PCDHGA6: variants seen among roughly 807,000 people sequenced by gnomAD.
PCDHGA6 encodes protocadherin gamma subfamily A, 6.
PCDHGA6 carries 41 observed loss-of-function variants against 60.6 expected under a neutral mutation model. That is an observed-to-expected ratio of 0.68 (90% CI 0.53 to 0.88). The LOEUF is 0.88. Ranked by LOEUF, PCDHGA6 falls within the 40% of genes least tolerant of loss-of-function variation. The pLI is 0.00. For missense variants in PCDHGA6, 1,312 were observed against 1,203.0 expected (o/e 1.09, Z -1.34); for synonymous variants, 594 against 524.4 (o/e 1.13, Z -1.81).
intron 1 of PCDHGA6, among the ~76,000 whole-genome samples, chr5:141,445,885 G>A (rs1171777990): frequency 1.3e-5 from 2 of 152,148 alleles, no homozygotes; most frequent in African/African-American, 4.8e-5. Flanking sequence ...CTTGTACTTA[G>A]GAGCTATTAA....
chr5:141,419,748 G>T, intron 1 of PCDHGA6: 1 of 1,613,872 alleles, frequency 6.2e-7, no homozygotes, highest in Non-Finnish European at 8.5e-7. Flanking sequence ...CGCATGGTGC[G>T]TGCTTTGGGT....
intron 1 of PCDHGA6, among the ~76,000 whole-genome samples, chr5:141,463,049 T>C (rs529642816): frequency 3.9e-4 from 60 of 152,326 alleles, no homozygotes; most frequent in African/African-American, 1.3e-3. Context: ...CAGCAGGGTC[T>C]CTTTATTATG....
chr5:141,413,010 C>A, intron 1 of PCDHGA6: 1 of 640,210 alleles, frequency 1.6e-6, no homozygotes. Flanking sequence ...AGGGCTTCAA[C>A]TACACAAGCC....
In PCDHGA6 at chr5:141,376,169, G is replaced by C. The variant is rs779538880; in HGVS notation, c.2086G>C (p.Ala696Pro). 6.2e-7 allele frequency: 1 copy of C among 1,614,106 alleles called. No individual in the cohort carries two copies. The highest frequency in any genetic ancestry group is 1.1e-5 in the South Asian group (1 of 91,074). ...GGACCTCACTCTGTACCTGGTGGTG[G>C]CGGTGGCCGCGGTCTCCTGCGTCTT... ...DSDLTLYLVV[A>P]VAAVSCVFLA... The change falls in exon 1 of 4, where the codon GCG (alanine) becomes CCG (proline). Residue 696 changes from alanine to proline, a missense_variant. By Grantham distance (27) the Ala-to-Pro change is conservative. Transcript: ENST00000517434.
In PCDHGA6 at chr5:141,385,618, A is replaced by C. The variant is rs1174442072; in HGVS notation, c.2424+9111A>C. 7.5e-6 allele frequency: 8 copies of C among 1,062,366 alleles called. No individual in the cohort carries two copies. The East Asian group carries it at 3.6e-4, about 48-fold the overall frequency. The allele number at this position is 1,062,366 out of a possible 1,614,324, so 65.8% of individuals were successfully genotyped here. A position where few individuals can be genotyped will look rare whatever the true frequency, so the allele number is the denominator to read the frequency against. On this transcript the variant is annotated intron_variant, in intron 1 of 3. Coordinates refer to ENST00000517434, the MANE Select transcript of PCDHGA6 (RefSeq NM_018919.3). ...CTTTCTTAACTCATATATTTTATAC[A>C]TTGGAATGAATCGAGTCTTTCATAT...
chr5:141,440,883 T>C (rs1435173649), intron 1 of PCDHGA6: 4 of 152,178 alleles, frequency 2.6e-5, no homozygotes, highest in Non-Finnish European at 5.9e-5. Flanking sequence ...AGCGTCGGCC[T>C]TCAGGAAGAT....
At chr5:141,387,821 A>C (rs2091106896) in intron 1 of PCDHGA6, 3 of 1,577,920 alleles carry the variant, frequency 1.9e-6, no homozygotes, top group Non-Finnish European at 2.6e-6. Context: ...AAAATCTGCA[A>C]TACAGAGGTT....
chr5:141,505,803 C>A (rs920849273), intron 3 of PCDHGA6, among the ~76,000 whole-genome samples: 2 of 152,234 alleles, frequency 1.3e-5, no homozygotes, highest in African/African-American at 4.8e-5. Flanking sequence ...GGACTTGGAT[C>A]GACTTGCTCA....
At chr5:141,399,911 G>T in intron 1 of PCDHGA6, 1 of 1,612,384 alleles carries the variant, frequency 6.2e-7, no homozygotes. Flanking sequence ...GCAGACTCAG[G>T]ACACAACGCC....
chr5:141,431,228 G>C lies in PCDHGA6; in HGVS notation c.2424+54721G>C, dbSNP rs772199359. The stretch of plus-strand genomic sequence containing the variant: ...TGAGATGCGGTTCCCTCTACCCCAC[G>C]CCTGGGATCCGGATATCGGGAAGAA... On this transcript the variant is annotated intron_variant, in intron 1 of 3. Coordinates refer to ENST00000517434, the MANE Select transcript of PCDHGA6 (RefSeq NM_018919.3). The surrounding 1 kb of genome is among the most constrained non-coding windows in gnomAD (Gnocchi z 4.8). The C allele has an allele frequency of 1.9e-6, 3 of 1,614,000 alleles. No individual in the cohort carries two copies. The African/African-American group carries it at 4.0e-5, about 22-fold the overall frequency.
Position 141,388,463 on chromosome 5 carries a change from G to A in PCDHGA6, c.2424+11956G>A, listed in dbSNP as rs367941349. Reference sequence around the variant, plus strand: ...AATCAGATGGCAGTAAATACCCTGAGATGGTATTGAAGACACCTTTGGACA... The same window carrying A: ...AATCAGATGGCAGTAAATACCCTGAAATGGTATTGAAGACACCTTTGGACA... On this transcript the variant is annotated intron_variant, in intron 1 of 3. Coordinates refer to ENST00000517434, the MANE Select transcript of PCDHGA6 (RefSeq NM_018919.3). 143 of 1,613,666 alleles carry A rather than the reference G, an allele frequency of 8.9e-5. 2 individuals are homozygous for A. The highest frequency in any genetic ancestry group is 1.3e-5 in the Non-Finnish European group (15 of 1,179,854).
At chr5:141,492,241 C>T (rs1351937353) in intron 1 of PCDHGA6, among the ~76,000 whole-genome samples, 1 of 152,186 alleles carries the variant, frequency 6.6e-6, no homozygotes, top group African/African-American at 2.4e-5. Flanking sequence ...TGCTGGCCAC[C>T]CCCACGGCCC....
In PCDHGA6 at chr5:141,460,999, G is replaced by GTA. The variant is rs1350972422; in HGVS notation, c.2425-33797_2425-33796dup. Reference sequence around the variant, plus strand: ...TGTGTGTGTGTATATATATATATGTGTATATATATATACCACATTTTCTTT... The same window carrying GTA: ...TGTGTGTGTGTATATATATATATGTGTATATATATATATACCACATTTTCTTT... On this transcript the variant is annotated intron_variant, in intron 1 of 3. Coordinates refer to ENST00000517434, the MANE Select transcript of PCDHGA6 (RefSeq NM_018919.3). Among the ~76,000 whole-genome samples, 54 of 149,566 alleles carry GTA rather than the reference G, an allele frequency of 3.6e-4. No homozygotes were observed. The South Asian group carries it at 4.2e-3, about 12-fold the overall frequency.
chr5:141,413,188 A>C, intron 1 of PCDHGA6: 4 of 1,606,680 alleles, frequency 2.5e-6, no homozygotes, highest in Non-Finnish European at 3.4e-6. Flanking sequence ...GGCCGCTCAA[A>C]GGAATCGCTC....
intron 1 of PCDHGA6, chr5:141,392,663 A>C: frequency 1.2e-6 from 1 of 810,712 alleles, no homozygotes; most frequent in Non-Finnish European, 1.8e-6. Flanking sequence ...GATGCCACAA[A>C]CTAACTGCTG....
chr5:141,384,708 G>T (rs1222018997), intron 1 of PCDHGA6: 3 of 1,614,116 alleles, frequency 1.9e-6, no homozygotes, highest in Non-Finnish European at 2.5e-6. Context: ...AGAACGCCTG[G>T]CTGTCATACC....
intron 1 of PCDHGA6, chr5:141,379,270 GATTT>G (rs1013953164): frequency 5.3e-5 from 8 of 152,170 alleles, no homozygotes; most frequent in African/African-American, 7.2e-5. Context: ...AATTGTTATA[GATTT>G]ATTTATTTCA....
At chr5:141,481,722 G>A (rs546676646) in intron 1 of PCDHGA6, among the ~76,000 whole-genome samples, 1 of 152,214 alleles carries the variant, frequency 6.6e-6, no homozygotes, top group African/African-American at 2.4e-5. Flanking sequence ...GGGAGGCGGA[G>A]GCGGGCGGAT....
intron 1 of PCDHGA6, chr5:141,412,841 G>C (rs1285924844): frequency 4.9e-6 from 1 of 205,932 alleles, no homozygotes; most frequent in East Asian, 1.1e-4. Flanking sequence ...AAAGATAGGA[G>C]TGGAGAAACC....
Sources: allele counts gnomAD v4.1 joint callset (sites outside exome capture counted in the v4.1 genomes callset), GRCh38; gene constraint gnomAD v4.1.1; non-coding constraint Gnocchi (gnomAD v3.1); transcripts MANE v1.5; gene names NCBI Gene and HGNC (gene_info 2026-07-23, HGNC 2026-07-21).